CDC20B: variants seen among roughly 807,000 people sequenced by gnomAD.
CDC20B encodes the protein cell division cycle protein 20 homolog B.
CDC20B carries 58 observed loss-of-function variants against 64.1 expected under a neutral mutation model. That is an observed-to-expected ratio of 0.90 (90% confidence interval 0.73 to 1.13). The LOEUF is 1.13. Ranked by LOEUF, CDC20B falls within the 50% of genes most tolerant of loss-of-function variation. CDC20B has a pLI of 0.00. For missense variants in CDC20B, 597 were observed against 633.0 expected, an observed-to-expected ratio of 0.94 and a Z score of 0.61; for synonymous variants, 243 against 230.6, an observed-to-expected ratio of 1.05 and a Z score of -0.49.
chr5:55,161,706 T>G (rs1561303553), intron 2 of CDC20B, among the ~76,000 whole-genome samples: 1 of 152,248 alleles, frequency 6.6e-6, no homozygotes, highest in Non-Finnish European at 1.5e-5. Flanking sequence ...TTCTCAAAGA[T>G]GAATATGTCA....
chr5:55,117,288 G>A (rs1033076105), intron 11 of CDC20B, among the ~76,000 whole-genome samples: 1 of 152,126 alleles, frequency 6.6e-6, no homozygotes, highest in African/African-American at 2.4e-5. Flanking sequence ...ATGGTTAACA[G>A]GGTACGGCTT....
intron 5 of CDC20B, chr5:55,137,242 T>C (rs1483921285): frequency 4.3e-6 from 1 of 233,038 alleles, no homozygotes; most frequent in Non-Finnish European, 8.7e-6. Flanking sequence ...CAGGACCTTC[T>C]AGAAATTGCC....
At position 55,114,012 on chromosome 5, in the gene CDC20B, G is replaced by C; in HGVS notation, c.*206C>G. 1 of 861,928 alleles carries C rather than the reference G, an allele frequency of 1.2e-6. No individual in the cohort carries two copies. The highest frequency in any genetic ancestry group is 1.7e-6 in the Non-Finnish European group (1 of 605,652). The allele number at this position is 861,928 out of a possible 1,614,324, so 53.4% of individuals were successfully genotyped here. On this transcript the variant is annotated 3_prime_UTR_variant, in exon 12 of 12. Coordinates refer to ENST00000381375, the MANE Select transcript of CDC20B (RefSeq NM_001170402.1). This position sits in a 1 kb window ranked among gnomAD's most constrained non-coding sequence, Gnocchi z 4.1. ...GGAGGGGGAGGAAGAGGGGCAGAAA[G>C]AAGAAAGCAGAGAAGAAAAGAAGCG... is the stretch of plus-strand genomic sequence containing the variant.
intron 2 of CDC20B, among the ~76,000 whole-genome samples, chr5:55,168,199 C>G (rs1360000534): frequency 6.6e-6 from 1 of 152,090 alleles, no homozygotes; most frequent in Non-Finnish European, 1.5e-5. Context: ...AAGGCTGTCT[C>G]TTGCAGAGCA....
At chr5:55,128,790 G>C (rs1184195955) in intron 6 of CDC20B, among the ~76,000 whole-genome samples, 173 bp from the exon 7 acceptor site, 2 of 152,086 alleles carry the variant, frequency 1.3e-5, no homozygotes, top group African/African-American at 4.8e-5. Context: ...AAGTGGAATA[G>C]AATCTAGTGT....
At chr5:55,160,142 G>C in intron 2 of CDC20B, 1 of 1,404,298 alleles carries the variant, frequency 7.1e-7, no homozygotes, top group South Asian at 1.2e-5. Context: ...TCAAGTTTCA[G>C]CTCCTCCTTG....
At chr5:55,139,747 A>G (rs562093653) in intron 5 of CDC20B, among the ~76,000 whole-genome samples, 1 of 152,234 alleles carries the variant, frequency 6.6e-6, no homozygotes, top group Non-Finnish European at 1.5e-5. Flanking sequence ...AAGAGAACTA[A>G]ATTCTTATCT....
intron 2 of CDC20B, among the ~76,000 whole-genome samples, chr5:55,169,733 A>T (rs1418189268): frequency 1.3e-5 from 2 of 152,254 alleles, no homozygotes; most frequent in Non-Finnish European, 2.9e-5. Flanking sequence ...TGACTGACTC[A>T]TCTGGAAAAT....
chr5:55,149,371 T>C (rs969854734), intron 2 of CDC20B, among the ~76,000 whole-genome samples: 5 of 152,200 alleles, frequency 3.3e-5, no homozygotes, highest in Non-Finnish European at 7.3e-5. Context: ...CACTCATAGG[T>C]ATATGTACTC....
intron 2 of CDC20B, among the ~76,000 whole-genome samples, chr5:55,151,526 A>G (rs952445688): frequency 6.6e-6 from 1 of 152,244 alleles, no homozygotes; most frequent in Non-Finnish European, 1.5e-5. Context: ...TTAAATATAC[A>G]TTTTTAAAAT....
chr5:55,126,083 T>A (rs1742879557), intron 8 of CDC20B, among the ~76,000 whole-genome samples: 1 of 152,206 alleles, frequency 6.6e-6, no homozygotes, highest in Admixed American at 6.5e-5. Flanking sequence ...ATTTTAACAA[T>A]GCAGATTAGA....
At chr5:55,167,377 A>G (rs1744449096) in intron 2 of CDC20B, among the ~76,000 whole-genome samples, 1 of 152,228 alleles carries the variant, frequency 6.6e-6, no homozygotes, top group South Asian at 2.1e-4. Context: ...GTGTACATAT[A>G]TATAATTCTT....
rs559989464 is a variant in CDC20B, at chr5:55,158,482, C to T, written c.127-11626G>A. Among the ~76,000 whole-genome samples the T allele has an allele frequency of 4.6e-5, 7 of 152,258 alleles. 1 individual carries two copies. In the South Asian group the frequency reaches 1.0e-3, roughly 23 times the overall value. On this transcript the variant is annotated intron_variant, in intron 2 of 11. Transcript: ENST00000381375. ...CTGAGCCATGAGAGTAGGAGTCGAG[C>T]GGTTCCTCTCACAAGTTTTACACAG... is the stretch of plus-strand genomic sequence containing the variant.
At chr5:55,152,002 A>T (rs1234415838) in intron 2 of CDC20B, among the ~76,000 whole-genome samples, 1 of 152,248 alleles carries the variant, frequency 6.6e-6, no homozygotes, top group Non-Finnish European at 1.5e-5. Flanking sequence ...AAATGCAATC[A>T]CATGTATCCC....
chr5:55,149,260 T>C (rs1743590256), intron 2 of CDC20B, among the ~76,000 whole-genome samples: 3 of 152,198 alleles, frequency 2.0e-5, no homozygotes, highest in Admixed American at 6.5e-5. Flanking sequence ...CTTTGTACAT[T>C]GCAAGTGTAC....
At chr5:55,128,309 C>T (rs867139132) in intron 7 of CDC20B, 112 bp downstream of exon 7, 1 of 669,162 alleles carries the variant, frequency 1.5e-6, no homozygotes, top group African/African-American at 2.0e-5. Context: ...ATTCCCCATA[C>T]TTCAAGAGCC....
intron 8 of CDC20B, among the ~76,000 whole-genome samples, chr5:55,126,955 C>A (rs1016203072): frequency 3.9e-5 from 6 of 152,098 alleles, no homozygotes; most frequent in African/African-American, 7.2e-5. Flanking sequence ...AGCAAAATAT[C>A]CCTTTAGTAC....
At position 55,162,090 on chromosome 5, in the gene CDC20B, C is replaced by CA. The variant is rs34286995; in HGVS notation, c.126+10497dup. 4.0e-3 allele frequency among the ~76,000 whole-genome samples: 363 copies of CA among 90,502 alleles called. 2 individuals carry two copies. The highest frequency in any genetic ancestry group is 5.6e-3 in the Middle Eastern group (1 of 178). The allele number at this position is 90,502 out of a possible 152,430, so 59.4% of individuals were successfully genotyped here. The stretch of plus-strand genomic sequence containing the variant: ...AGACACTGTTCTAAACCATATTAGT[C>CA]AAAAAAAAAAAAAAAAAAAAAAAGG... On this transcript the variant is annotated intron_variant, in intron 2 of 11. Coordinates refer to ENST00000381375, the MANE Select transcript of CDC20B (RefSeq NM_001170402.1).
At chr5:55,160,421 T>C in intron 2 of CDC20B, 1 of 1,566,936 alleles carries the variant, frequency 6.4e-7, no homozygotes, top group Non-Finnish European at 8.8e-7. Context: ...CTGATTTTTA[T>C]TGTTATCATT....
Sources: gnomAD v4.1 joint callset for allele counts (sites outside exome capture counted in the v4.1 genomes callset) on GRCh38, gnomAD v4.1.1 for gene constraint, Gnocchi (gnomAD v3.1) non-coding constraint, MANE v1.5 for transcripts, NCBI Gene and HGNC (gene_info 2026-07-23, HGNC 2026-07-21) for gene names.